RAB38: variants seen among roughly 807,000 people sequenced by gnomAD.
The protein encoded by RAB38 is RAB38, member RAS oncogene family.
Under a neutral mutation model 18.4 loss-of-function variants are expected in RAB38, and 15 were observed. That is an observed-to-expected ratio of 0.82 (90% CI 0.55 to 1.26). The LOEUF is 1.26. Among genes scored for constraint, RAB38 ranks in the 50% most tolerant of loss-of-function variants. The pLI is 0.00. For missense variants in RAB38, 294 were observed against 267.4 expected, an observed-to-expected ratio of 1.10 and a Z score of -0.69; for synonymous variants, 101 against 104.4, an observed-to-expected ratio of 0.97 and a Z score of 0.20.
chr11:88,010,222 G>T, the RAB38 span, among the ~76,000 whole-genome samples: 4 of 152,130 alleles, frequency 2.6e-5, no homozygotes, highest in African/African-American at 9.7e-5. Flanking sequence ...GCTGTATGTT[G>T]TCTACCAAAT....
At chr11:87,959,065 A>G in the RAB38 span, among the ~76,000 whole-genome samples, 3 of 152,148 alleles carry the variant, frequency 2.0e-5, no homozygotes, top group Admixed American at 6.6e-5. Context: ...AATTTCTGCC[A>G]TGTACACCCC....
the RAB38 span, among the ~76,000 whole-genome samples, chr11:88,040,769 C>A: frequency 6.6e-6 from 1 of 152,122 alleles, no homozygotes; most frequent in African/African-American, 2.4e-5. Context: ...AATACAGTCA[C>A]ATTCTTAGGT....
At chr11:87,868,616 A>AGAAG in the RAB38 span, among the ~76,000 whole-genome samples, 1 of 143,484 alleles carries the variant, frequency 7.0e-6, no homozygotes, top group Non-Finnish European at 1.6e-5. Flanking sequence ...AGAGAGAGAG[A>AGAAG]GAGAGAGAAT....
chr11:87,932,848 G>A, the RAB38 span, among the ~76,000 whole-genome samples: 3 of 152,026 alleles, frequency 2.0e-5, no homozygotes, highest in Non-Finnish European at 2.9e-5. Context: ...TCTAAATTGG[G>A]CATTCCTAAT....
At chr11:88,136,927 ATAAAC>A (rs1942843422) in intron 2 of RAB38, among the ~76,000 whole-genome samples, 1 of 152,222 alleles carries the variant, frequency 6.6e-6, no homozygotes, top group African/African-American at 2.4e-5. Flanking sequence ...TATCTTCTGA[ATAAAC>A]TAAAGAAAGG....
At chr11:87,873,020 A>C in the RAB38 span, among the ~76,000 whole-genome samples, 1 of 151,592 alleles carries the variant, frequency 6.6e-6, no homozygotes, top group East Asian at 2.0e-4. Context: ...TAGTTTTGTA[A>C]GAACCTCCAG....
the RAB38 span, among the ~76,000 whole-genome samples, chr11:88,027,665 G>A: frequency 1.5e-5 from 2 of 131,538 alleles, no homozygotes; most frequent in African/African-American, 3.3e-5. Context: ...CAGCGAGGCT[G>A]GGGGAGGGGC....
the RAB38 span, among the ~76,000 whole-genome samples, chr11:87,955,121 C>A: frequency 6.6e-6 from 1 of 152,264 alleles, no homozygotes; most frequent in South Asian, 2.1e-4. Context: ...CCATGGGTGC[C>A]CCATCTGACT....
chr11:87,897,263 G>T, the RAB38 span, among the ~76,000 whole-genome samples: 4 of 151,628 alleles, frequency 2.6e-5, no homozygotes, highest in African/African-American at 9.6e-5. Flanking sequence ...CAGAGTTGGT[G>T]CCAAAGTCCT....
chr11:87,976,624 T>A, the RAB38 span, among the ~76,000 whole-genome samples: 2 of 107,916 alleles, frequency 1.9e-5, no homozygotes, highest in East Asian at 2.6e-4. Context: ...ACATGATATA[T>A]AAATATATAT....
At chr11:88,015,249 G>T in the RAB38 span, among the ~76,000 whole-genome samples, 2 of 152,096 alleles carry the variant, frequency 1.3e-5, no homozygotes, top group Non-Finnish European at 1.5e-5. Context: ...CTCTTCTATG[G>T]TTCTCAAACG....
At chr11:88,125,389 G>A (rs1322845157) in intron 2 of RAB38, among the ~76,000 whole-genome samples, 1 of 152,042 alleles carries the variant, frequency 6.6e-6, no homozygotes, top group African/African-American at 2.4e-5. Flanking sequence ...TGCCCCTCCA[G>A]AACAAACATA....
the RAB38 span, among the ~76,000 whole-genome samples, chr11:87,877,996 C>T: frequency 6.6e-6 from 1 of 150,768 alleles, no homozygotes; most frequent in Non-Finnish European, 1.5e-5. Flanking sequence ...TAACATGAAG[C>T]AAATAAGTAT....
At chr11:88,064,378 T>A in the RAB38 span, among the ~76,000 whole-genome samples, 1 of 152,244 alleles carries the variant, frequency 6.6e-6, no homozygotes, top group Non-Finnish European at 1.5e-5. Context: ...GGCATGTGGA[T>A]GGAAGTGATG....
chr11:88,126,499 A>T (rs1942696618), intron 2 of RAB38, among the ~76,000 whole-genome samples: 1 of 152,154 alleles, frequency 6.6e-6, no homozygotes. Flanking sequence ...GGAGTTGATC[A>T]GTGAAAACAC....
At chr11:87,854,263 T>C in the RAB38 span, among the ~76,000 whole-genome samples, 1 of 152,200 alleles carries the variant, frequency 6.6e-6, no homozygotes, top group African/African-American at 2.4e-5. Context: ...TGATGTGATA[T>C]CAGATAAATT....
chr11:88,143,900 G>A (rs958214025), intron 2 of RAB38, among the ~76,000 whole-genome samples: 2 of 152,082 alleles, frequency 1.3e-5, no homozygotes, highest in Non-Finnish European at 1.5e-5. Context: ...CATTGACGTA[G>A]GGAACCTCTA....
At chr11:87,973,817 G>C in the RAB38 span, among the ~76,000 whole-genome samples, 6 of 152,080 alleles carry the variant, frequency 3.9e-5, no homozygotes, top group African/African-American at 1.4e-4. Context: ...CCAGGTTAGA[G>C]TGAAGAAGTC....
the RAB38 span, among the ~76,000 whole-genome samples, chr11:87,897,113 T>C: frequency 6.6e-6 from 1 of 151,698 alleles, no homozygotes; most frequent in South Asian, 2.1e-4. Context: ...GTGAATAGAA[T>C]AAGAACATGT....
Sources: allele counts gnomAD v4.1 joint callset (sites outside exome capture counted in the v4.1 genomes callset), GRCh38; gene constraint gnomAD v4.1.1; transcripts MANE v1.5; gene names NCBI Gene and HGNC (gene_info 2026-07-23, HGNC 2026-07-21).